The following ARHGAP15 variants were observed in gnomAD, a reference collection of about 807,000 sequenced individuals.
ARHGAP15 encodes the protein rho GTPase-activating protein 15.
ARHGAP15 carries 51 observed loss-of-function variants against 63.7 expected under a neutral mutation model. That is an observed-to-expected ratio of 0.80 (90% CI 0.64 to 1.01). The LOEUF (loss-of-function observed/expected upper bound fraction) is 1.01. ARHGAP15 is among the 50% of genes least tolerant of loss of function. The pLI, the probability that ARHGAP15 is intolerant of heterozygous loss-of-function variation, is 0.00. For synonymous variants in ARHGAP15, 191 were observed against 193.8 expected (o/e 0.99, Z 0.12); for missense variants, 560 against 564.6 (o/e 0.99, Z 0.08).
chr2:143,730,436 T>C (rs1685476053), intron 13 of ARHGAP15, among the ~76,000 whole-genome samples: 2 of 152,224 alleles, frequency 1.3e-5, no homozygotes, highest in Non-Finnish European at 2.9e-5. Context: ...TCATAAAGAC[T>C]GTATACTATT....
intron 12 of ARHGAP15, among the ~76,000 whole-genome samples, chr2:143,700,366 A>G (rs1276723611): frequency 1.3e-5 from 2 of 152,100 alleles, no homozygotes; most frequent in African/African-American, 4.8e-5. Context: ...CTATAAGTAA[A>G]GTTTGCTGGT....
intron 3 of ARHGAP15, among the ~76,000 whole-genome samples, chr2:143,210,046 G>A (rs1196323280): frequency 2.6e-5 from 4 of 152,122 alleles, no homozygotes; most frequent in East Asian, 3.9e-4. Context: ...AAGTTATAAC[G>A]CAGAAATTGA....
chr2:143,380,323 C>A (rs140564515), intron 6 of ARHGAP15, among the ~76,000 whole-genome samples: 25 of 152,154 alleles, frequency 1.6e-4, no homozygotes, highest in African/African-American at 5.5e-4. Flanking sequence ...GAATAGCTAC[C>A]ATTGATTTGA....
At chr2:143,566,893 CTT>C (rs11321734) in intron 11 of ARHGAP15, among the ~76,000 whole-genome samples, 18 of 146,332 alleles carry the variant, frequency 1.2e-4, no homozygotes, top group East Asian at 4.0e-4. Context: ...CTTGCTGCTG[CTT>C]TTTTTTTTTT....
intron 13 of ARHGAP15, among the ~76,000 whole-genome samples, chr2:143,765,109 ATG>A (rs60894627): frequency 0.31 from 45,109 of 147,312 alleles, 6,868 homozygotes; most frequent in Middle Eastern, 0.46. Flanking sequence ...CCTCTAAAAT[ATG>A]TGTGTGTGTG....
intron 8 of ARHGAP15, among the ~76,000 whole-genome samples, chr2:143,468,090 G>A (rs900683027): frequency 1.3e-5 from 2 of 151,898 alleles, no homozygotes; most frequent in African/African-American, 4.8e-5. Flanking sequence ...GTTTGATTGT[G>A]TATTACTTCA....
intron 13 of ARHGAP15, among the ~76,000 whole-genome samples, chr2:143,751,250 G>C (rs1230720494): frequency 6.6e-6 from 1 of 152,208 alleles, no homozygotes; most frequent in Admixed American, 6.5e-5. Flanking sequence ...GCTTGGCCTT[G>C]ATACACTCAC....
rs925225747 is a variant in ARHGAP15, at chr2:143,317,364, TA to T, written c.474+66770del. Among the ~76,000 whole-genome samples the T allele has an allele frequency of 6.6e-5, 10 of 152,190 alleles. 1 individual carries two copies. The highest frequency in any genetic ancestry group is 5.2e-4 in the Admixed American group (8 of 15,274). On this transcript the variant is annotated intron_variant, in intron 6 of 13. Coordinates refer to ENST00000295095, the MANE Select transcript of ARHGAP15 (RefSeq NM_018460.4). ...CCTAATATATGTCACTATGGCAGAC[TA>T]AAAAATGGCACATAAAATATATGCT...
chr2:143,519,567 T>C, intron 10 of ARHGAP15: 1 of 393,384 alleles, frequency 2.5e-6, no homozygotes, highest in South Asian at 3.3e-5. Flanking sequence ...CTAATGTTCT[T>C]TTTTGTTTTT....
At chr2:143,261,017 G>T (rs1038711961) in intron 6 of ARHGAP15, among the ~76,000 whole-genome samples, 1 of 152,156 alleles carries the variant, frequency 6.6e-6, no homozygotes, top group Non-Finnish European at 1.5e-5. Flanking sequence ...ATACAACCCT[G>T]TGGTGGTTTC....
At position 143,338,708 on chromosome 2, in the gene ARHGAP15, T is replaced by G. The variant is rs1235736439; in HGVS notation, c.474+88108T>G. ...AAAATCAACCAAACCAAAACTTCAC[T>G]GTAAGGCATGACTTTTGACCCAGAT... On this transcript the variant is annotated intron_variant, in intron 6 of 13. Transcript: ENST00000295095. Among the ~76,000 whole-genome samples, 3 of 152,268 alleles carry G rather than the reference T, an allele frequency of 2.0e-5. No individual in the cohort carries two copies. The East Asian group carries it at 5.8e-4, about 29-fold the overall frequency.
At chr2:143,307,390 T>C (rs539294424) in intron 6 of ARHGAP15, among the ~76,000 whole-genome samples, 124 of 152,260 alleles carry the variant, frequency 8.1e-4, no homozygotes, top group Middle Eastern at 3.4e-3. Flanking sequence ...GGATACCATA[T>C]TAGAATTTTG....
rs80073548 is a variant in ARHGAP15, at chr2:143,343,624, C to T, written c.475-91977C>T. On this transcript the variant is annotated intron_variant, in intron 6 of 13. Transcript: ENST00000295095. ...GTTGCGTTAATGAATGATTTCTCAA[C>T]GTTACTTTAGACCTTACAATTTGGT... Among the ~76,000 whole-genome samples the T allele has an allele frequency of 7.8e-4, 118 of 152,072 alleles. 2 individuals carry two copies. In the East Asian group the frequency reaches 0.017, roughly 22 times the overall value.
Position 143,440,870 on chromosome 2 carries a change from A to T in ARHGAP15, c.703+3828A>T, listed in dbSNP as rs545220170. 2.0e-3 allele frequency among the ~76,000 whole-genome samples: 305 copies of T among 152,192 alleles called. 2 individuals carry two copies. The highest frequency in any genetic ancestry group is 7.2e-3 in the African/African-American group (299 of 41,526). On this transcript the variant is annotated intron_variant, in intron 8 of 13. Coordinates refer to ENST00000295095, the MANE Select transcript of ARHGAP15 (RefSeq NM_018460.4). ...GGAGAGTCAATCAAAGAAGATGTGAACATATTTCTCTGAGGAAAGAGAATT... is the reference window on the plus strand; with the variant it reads ...GGAGAGTCAATCAAAGAAGATGTGATCATATTTCTCTGAGGAAAGAGAATT...
At chr2:143,527,717 T>C (rs960473223) in intron 10 of ARHGAP15, among the ~76,000 whole-genome samples, 4 of 152,102 alleles carry the variant, frequency 2.6e-5, no homozygotes. Context: ...ATGTGCTCCC[T>C]CGTGTATAAG....
chr2:143,661,489 T>A (rs1388445487), intron 12 of ARHGAP15, among the ~76,000 whole-genome samples: 1 of 152,192 alleles, frequency 6.6e-6, no homozygotes, highest in Non-Finnish European at 1.5e-5. Flanking sequence ...AAAAAAAGTA[T>A]GTCTTCTTAA....
intron 7 of ARHGAP15, 85 bp downstream of exon 7, chr2:143,435,784 C>T: frequency 7.6e-7 from 1 of 1,313,418 alleles, no homozygotes; most frequent in Non-Finnish European, 1.0e-6. Context: ...CACACACACT[C>T]ATTTAAATAG....
intron 12 of ARHGAP15, among the ~76,000 whole-genome samples, chr2:143,679,116 T>C (rs1289478865): frequency 6.9e-6 from 1 of 144,522 alleles, no homozygotes; most frequent in Non-Finnish European, 1.5e-5. Flanking sequence ...TAGGTCAACC[T>C]ATATGCACCA....
intron 11 of ARHGAP15, among the ~76,000 whole-genome samples, chr2:143,586,430 C>G: frequency 6.6e-6 from 1 of 151,838 alleles, no homozygotes. Context: ...TCACTTTTAT[C>G]AATATACTAA....
Sources: gnomAD v4.1 joint callset for allele counts (sites outside exome capture counted in the v4.1 genomes callset) on GRCh38, gnomAD v4.1.1 for gene constraint, MANE v1.5 for transcripts, NCBI Gene and HGNC (gene_info 2026-07-23, HGNC 2026-07-21) for gene names.